Variants in HECW2 observed in about 807,000 individuals in gnomAD.
HECW2 encodes HECT, C2 and WW domain containing E3 ubiquitin protein ligase 2.
HECW2 carries 61 observed loss-of-function variants against 175.2 expected under a neutral mutation model. The observed-to-expected ratio is 0.35, with a 90% CI of 0.28 to 0.43. The LOEUF is 0.43. HECW2 is among the 20% of genes least tolerant of loss of function. HECW2 has a pLI of 1.00. For missense variants in HECW2, 1,524 were observed against 2,000.5 expected (o/e 0.76, Z 4.54); for synonymous variants, 671 against 731.0 (o/e 0.92, Z 1.32).
At chr2:196,335,031 A>G (rs1692501093) in intron 3 of HECW2, among the ~76,000 whole-genome samples, 1 of 152,228 alleles carries the variant, frequency 6.6e-6, no homozygotes, top group South Asian at 2.1e-4. Context: ...TCTCAATGGA[A>G]ATAGAGGAAA....
At chr2:196,481,642 C>G (rs145781296) in intron 1 of HECW2, among the ~76,000 whole-genome samples, 139 of 152,312 alleles carry the variant, frequency 9.1e-4, no homozygotes, top group East Asian at 5.6e-3. Flanking sequence ...ATAAAACAAG[C>G]TTACAGACCA....
chr2:196,545,286 C>T (rs1689372793), intron 1 of HECW2, among the ~76,000 whole-genome samples: 1 of 152,162 alleles, frequency 6.6e-6, no homozygotes, highest in Non-Finnish European at 1.5e-5. Context: ...ACTGGCCAGT[C>T]TCAGGGCTGA....
At chr2:196,347,756 G>C (rs893281392) in intron 2 of HECW2, among the ~76,000 whole-genome samples, 5 of 152,232 alleles carry the variant, frequency 3.3e-5, no homozygotes, top group African/African-American at 1.2e-4. Flanking sequence ...GAAAGCTGCT[G>C]CGTTATTCCT....
chr2:196,466,972 A>G (rs1696978556), intron 1 of HECW2, among the ~76,000 whole-genome samples: 1 of 152,222 alleles, frequency 6.6e-6, no homozygotes, highest in African/African-American at 2.4e-5. Context: ...CTTAGTTTTC[A>G]GACTTGCTAG....
At chr2:196,316,387 AC>A (rs542053378) in intron 10 of HECW2, 2 of 152,314 alleles carry the variant, frequency 1.3e-5, no homozygotes, top group Non-Finnish European at 2.9e-5. Flanking sequence ...CATTTTTAAA[AC>A]AGAGGAACCA....
At chr2:196,413,486 C>T (rs185804514) in intron 2 of HECW2, among the ~76,000 whole-genome samples, 117 of 152,212 alleles carry the variant, frequency 7.7e-4, no homozygotes, top group African/African-American at 2.2e-3. Flanking sequence ...GCTGGGATTA[C>T]AGGCACGCAC....
At chr2:196,409,492 C>A (rs1695051016) in intron 2 of HECW2, among the ~76,000 whole-genome samples, 2 of 152,206 alleles carry the variant, frequency 1.3e-5, no homozygotes, top group Non-Finnish European at 2.9e-5. Flanking sequence ...ATGGATCAAT[C>A]TTCCCATCTT....
At chr2:196,564,720 A>AT (rs1690119006) in intron 1 of HECW2, among the ~76,000 whole-genome samples, 1 of 151,792 alleles carries the variant, frequency 6.6e-6, no homozygotes, top group South Asian at 2.1e-4. Flanking sequence ...TCTTAACCTT[A>AT]TTTTTTCTCA....
chr2:196,543,329 G>C lies in HECW2; in HGVS notation c.-36+50179C>G, dbSNP rs540845323. 1.3e-3 allele frequency among the ~76,000 whole-genome samples: 191 copies of C among 150,580 alleles called. 1 individual carries two copies. The highest frequency in any genetic ancestry group is 2.3e-3 in the Non-Finnish European group (157 of 67,684). ...GTTGTTTTTGGTAAAAAAAAAAAATGTTCTGTGTGTAGAACATTCAAGATA... is the reference window on the plus strand; with the variant it reads ...GTTGTTTTTGGTAAAAAAAAAAAATCTTCTGTGTGTAGAACATTCAAGATA... On this transcript the variant is annotated intron_variant, in intron 1 of 28. Coordinates refer to ENST00000644978, the MANE Select transcript of HECW2 (RefSeq NM_001348768.2).
chr2:196,416,399 T>C (rs977711209), intron 2 of HECW2, among the ~76,000 whole-genome samples: 1 of 152,172 alleles, frequency 6.6e-6, no homozygotes, highest in East Asian at 1.9e-4. Flanking sequence ...CCTAAAAAAC[T>C]GTGGCAGCTT....
At chr2:196,544,456 G>A (rs568964749) in intron 1 of HECW2, among the ~76,000 whole-genome samples, 10 of 152,288 alleles carry the variant, frequency 6.6e-5, no homozygotes, top group South Asian at 4.1e-4. Context: ...CTTTCACAGC[G>A]TACACCTGTG....
intron 2 of HECW2, among the ~76,000 whole-genome samples, chr2:196,368,842 G>C (rs1416632500): frequency 6.6e-6 from 1 of 152,016 alleles, no homozygotes; most frequent in Non-Finnish European, 1.5e-5. Flanking sequence ...CAAGCTCTTT[G>C]TTTAACTTAT....
At chr2:196,520,582 A>C (rs1359620204) in intron 1 of HECW2, among the ~76,000 whole-genome samples, 1 of 152,236 alleles carries the variant, frequency 6.6e-6, no homozygotes, top group Non-Finnish European at 1.5e-5. Flanking sequence ...TGAAGTCTAA[A>C]AGTTGCTTTC....
At chr2:196,274,148 T>C (rs1212971980) in intron 15 of HECW2, 25 bp from the exon 16 acceptor site, 1 of 1,569,066 alleles carries the variant, frequency 6.4e-7, no homozygotes, top group Non-Finnish European at 8.8e-7. Flanking sequence ...ATCATTTATG[T>C]TCTGCACCAA....
At chr2:196,296,681 T>C (rs58560368) in intron 13 of HECW2, among the ~76,000 whole-genome samples, 23,222 of 152,014 alleles carry the variant, frequency 0.15, 2,032 homozygotes, top group Middle Eastern at 0.25. Flanking sequence ...AGGAGAATTA[T>C]AGGGGGAGGT....
At chr2:196,368,773 T>C (rs1693825932) in intron 2 of HECW2, among the ~76,000 whole-genome samples, 1 of 152,178 alleles carries the variant, frequency 6.6e-6, no homozygotes, top group Admixed American at 6.5e-5. Context: ...GAGGCATTCT[T>C]CAATATGTCA....
At chr2:196,450,258 G>A (rs1222064308) in intron 1 of HECW2, among the ~76,000 whole-genome samples, 2 of 152,184 alleles carry the variant, frequency 1.3e-5, no homozygotes, top group Non-Finnish European at 2.9e-5. Context: ...TGAAGCAGAA[G>A]GGAAAGAATC....
chr2:196,329,734 T>C lies in HECW2; in HGVS notation c.496-84A>G. On this transcript the variant is annotated intron_variant, in intron 4 of 28. Coordinates refer to ENST00000644978, the MANE Select transcript of HECW2 (RefSeq NM_001348768.2). The stretch of plus-strand genomic sequence containing the variant: ...CTAGGAAACCATGTATGTTCCTAAA[T>C]GCAATGATTTTTGCATCAAACGGGT... 2.7e-6 allele frequency: 3 copies of C among 1,098,120 alleles called. No individual in the cohort carries two copies. The South Asian group carries it at 3.9e-5, about 14-fold the overall frequency. The allele number at this position is 1,098,120 out of a possible 1,614,324, so 68.0% of individuals were successfully genotyped here.
chr2:196,515,101 C>G (rs947822148), intron 1 of HECW2, among the ~76,000 whole-genome samples: 1 of 152,212 alleles, frequency 6.6e-6, no homozygotes, highest in Non-Finnish European at 1.5e-5. Context: ...TTTGTCCAGA[C>G]GCAGGTGCCT....
Sources: allele counts gnomAD v4.1 joint callset (sites outside exome capture counted in the v4.1 genomes callset), GRCh38; gene constraint gnomAD v4.1.1; transcripts MANE v1.5; gene names NCBI Gene and HGNC (gene_info 2026-07-23, HGNC 2026-07-21).